The following VIPR2 variants were observed in gnomAD, a reference collection of about 807,000 sequenced individuals.
The protein encoded by VIPR2 is vasoactive intestinal peptide receptor 2, also known as vasoactive intestinal polypeptide receptor 2.
VIPR2 carries 48 observed loss-of-function variants against 58.0 expected under a neutral mutation model. The observed-to-expected ratio is 0.83, with a 90% CI of 0.66 to 1.05. The LOEUF (loss-of-function observed/expected upper bound fraction) is 1.05. Ranked by LOEUF, VIPR2 falls within the 50% of genes least tolerant of loss-of-function variation. VIPR2 has a pLI of 0.00. For missense variants in VIPR2, 534 were observed against 558.0 expected, an observed-to-expected ratio of 0.96 and a Z score of 0.43; for synonymous variants, 243 against 235.2, an observed-to-expected ratio of 1.03 and a Z score of -0.30.
At chr7:159,066,790 T>C (rs1434795228) in intron 4 of VIPR2, among the ~76,000 whole-genome samples, 1 of 152,222 alleles carries the variant, frequency 6.6e-6, no homozygotes, top group Admixed American at 6.5e-5. Flanking sequence ...TACTGATAAA[T>C]ACTTAGCAAG....
chr7:159,133,914 A>G (rs113100980), intron 2 of VIPR2, among the ~76,000 whole-genome samples: 1,643 of 152,344 alleles, frequency 0.011, 27 homozygotes, highest in African/African-American at 0.038. Context: ...TGAGCTAGTC[A>G]AATAAGCTCA....
rs766235895 is a variant in VIPR2 at position 159,028,756 on chromosome 7, G to A, written c.*1860C>T. 6.5e-5 allele frequency: 10 copies of A among 153,100 alleles called. No individual in the cohort carries two copies. The highest frequency in any genetic ancestry group is 2.1e-4 in the South Asian group (1 of 4,842). 9.5% of individuals were successfully genotyped at this position (153,100 alleles called of 1,614,324 possible). On this transcript the variant is annotated 3_prime_UTR_variant, in exon 13 of 13. Coordinates refer to ENST00000262178, the MANE Select transcript of VIPR2 (RefSeq NM_003382.5). ...TCCCTCTCGCTCCACATGCTCAGCCGTCCTTTCCTGGGCACCTGGCCTGGG... is the reference window on the plus strand; with the variant it reads ...TCCCTCTCGCTCCACATGCTCAGCCATCCTTTCCTGGGCACCTGGCCTGGG...
chr7:159,132,490 T>C (rs1796960793), intron 2 of VIPR2, among the ~76,000 whole-genome samples: 1 of 152,180 alleles, frequency 6.6e-6, no homozygotes, highest in African/African-American at 2.4e-5. Context: ...AAGAAAAATG[T>C]GAGAAAAACA....
intron 4 of VIPR2, among the ~76,000 whole-genome samples, chr7:159,091,898 C>T (rs1429140131): frequency 3.3e-5 from 5 of 152,320 alleles, no homozygotes; most frequent in East Asian, 3.9e-4. Context: ...GAGGCTGAGG[C>T]GGGCAGATCG....
At chr7:159,108,953 G>A (rs534155868) in intron 3 of VIPR2, among the ~76,000 whole-genome samples, 3 of 152,274 alleles carry the variant, frequency 2.0e-5, no homozygotes, top group African/African-American at 7.2e-5. Context: ...CTGGCAACTC[G>A]GGGTGAGAAA....
At chr7:159,064,945 G>T (rs559171068) in intron 4 of VIPR2, among the ~76,000 whole-genome samples, 10 of 152,322 alleles carry the variant, frequency 6.6e-5, no homozygotes, top group African/African-American at 1.9e-4. Context: ...CGTAGACTCT[G>T]CATCGCCACC....
intron 4 of VIPR2, among the ~76,000 whole-genome samples, chr7:159,066,973 G>C (rs1426972903): frequency 6.6e-6 from 1 of 152,168 alleles, no homozygotes; most frequent in Non-Finnish European, 1.5e-5. Context: ...TCCTGTGAGT[G>C]GGCACTGGCG....
At chr7:159,073,445 T>C (rs190483664) in intron 4 of VIPR2, among the ~76,000 whole-genome samples, 1 of 152,292 alleles carries the variant, frequency 6.6e-6, no homozygotes, top group East Asian at 1.9e-4. Context: ...GAGACAAGAG[T>C]CTTGCTCTGT....
intron 4 of VIPR2, 53 bp from the exon 5 acceptor site, chr7:159,058,631 C>T: frequency 1.5e-6 from 2 of 1,323,396 alleles, no homozygotes; most frequent in Non-Finnish European, 2.2e-6. Context: ...CAACACCAGA[C>T]AACAGGAATG....
chr7:159,034,083 C>G, intron 10 of VIPR2, 130 bp downstream of exon 10: 1 of 828,624 alleles, frequency 1.2e-6, no homozygotes, highest in African/African-American at 1.7e-5. Context: ...AGCCCTGGGG[C>G]CCAGCCTCGA....
Position 159,098,009 on chromosome 7 carries a change from G to A in VIPR2, c.357+5748C>T, listed in dbSNP as rs1004721059. 2.0e-5 allele frequency among the ~76,000 whole-genome samples: 3 copies of A among 152,194 alleles called. No homozygotes were observed. The highest frequency in any genetic ancestry group is 4.4e-5 in the Non-Finnish European group (3 of 68,024). The stretch of plus-strand genomic sequence containing the variant: ...CCCACTGGGCCAGAGCCCGCACCAC[G>A]ATCAGTCCCAGGAGCTCCTCCGTGG... On this transcript the variant is annotated intron_variant, in intron 4 of 12. Transcript: ENST00000262178. The surrounding 1 kb of genome is among the most constrained non-coding windows in gnomAD (Gnocchi z 5.2).
rs1853923688 is a variant in VIPR2, at chr7:159,035,985, C to T, written c.776G>A (p.Trp259Ter). The change falls in exon 8 of 13, where the codon TGG becomes TAG. Residue 259 changes from tryptophan (W) to a stop codon, truncating the protein, a stop_gained. Coordinates refer to ENST00000262178, the MANE Select transcript of VIPR2 (RefSeq NM_003382.5). LOFTEE classifies it high-confidence loss of function. Reference protein sequence around the residue: ...WGLPTVCIGAWTAARLYLEDT... With the variant: ...WGLPTVCIGA The stretch of plus-strand genomic sequence containing the variant: ...TTCTAAGTAGAGCCTGGCCGCAGTC[C>T]ATGCACCGATGCAGACGGTGGGGAG... The T allele has an allele frequency of 6.2e-7, 1 of 1,613,654 alleles. No homozygotes were observed. The highest frequency in any genetic ancestry group is 8.5e-7 in the Non-Finnish European group (1 of 1,179,882).
intron 6 of VIPR2, among the ~76,000 whole-genome samples, chr7:159,042,210 G>A (rs1029619487): frequency 5.3e-5 from 8 of 152,142 alleles, no homozygotes; most frequent in South Asian, 2.1e-4. Flanking sequence ...CGTGGAATGC[G>A]GGAGGAGAGT....
intron 5 of VIPR2, among the ~76,000 whole-genome samples, chr7:159,048,041 T>C (rs545922968): frequency 6.6e-6 from 1 of 152,282 alleles, no homozygotes; most frequent in Non-Finnish European, 1.5e-5. Context: ...ATAATATAAA[T>C]CATAACTAAT....
Position 159,031,735 on chromosome 7 carries a change from C to CA in VIPR2, c.1143+92dup. On this transcript the variant is annotated intron_variant, in intron 12 of 12. Transcript: ENST00000262178. The surrounding 1 kb of genome is among the most constrained non-coding windows in gnomAD (Gnocchi z 4.0). ...GGCAGTAACTCGAGCCCGCGGAAGA[C>CA]AGGCATGTGTGGGGGCTGCGGCACC... 1.2e-6 allele frequency: 2 copies of CA among 1,604,922 alleles called. No individual in the cohort carries two copies. Among genetic ancestry groups the CA allele is most frequent in the Non-Finnish European group, 1.7e-6 (2 of 1,177,346 alleles).
Position 159,030,489 on chromosome 7 carries a change from G to A in VIPR2, c.*127C>T. ...GGGTTTAGTGGACAACCAGCTTGACGGAGTCAGGACCGCGCTGACCTGCCC... is the reference window on the plus strand; with the variant it reads ...GGGTTTAGTGGACAACCAGCTTGACAGAGTCAGGACCGCGCTGACCTGCCC... On this transcript the variant is annotated 3_prime_UTR_variant, in exon 13 of 13. Coordinates refer to ENST00000262178, the MANE Select transcript of VIPR2 (RefSeq NM_003382.5). The A allele has an allele frequency of 8.4e-7, 1 of 1,187,002 alleles. No homozygotes were observed. Among genetic ancestry groups the A allele is most frequent in the South Asian group, 1.8e-5 (1 of 55,544 alleles). 73.5% of individuals were successfully genotyped at this position (1,187,002 alleles called of 1,614,324 possible). A position where few individuals can be genotyped will look rare whatever the true frequency, so the allele number is the denominator to read the frequency against.
intron 12 of VIPR2, 59 bp from the exon 13 acceptor site, chr7:159,030,848 T>C (rs1853518511): frequency 1.4e-6 from 2 of 1,427,102 alleles, no homozygotes; most frequent in Non-Finnish European, 1.8e-6. Flanking sequence ...GCGGCTGCTA[T>C]GGGAAGCGCG....
chr7:159,071,954 A>G (rs1377046629), intron 4 of VIPR2, among the ~76,000 whole-genome samples: 24 of 145,518 alleles, frequency 1.6e-4, no homozygotes, highest in South Asian at 2.2e-4. Flanking sequence ...CCAGAGTCCC[A>G]TGTCTCTAGG....
At chr7:159,030,857 C>G in intron 12 of VIPR2, 68 bp from the exon 13 acceptor site, 1 of 1,408,990 alleles carries the variant, frequency 7.1e-7, no homozygotes, top group South Asian at 1.5e-5. Flanking sequence ...ATGGGAAGCG[C>G]GGCCCGCGAG....
Sources: gnomAD v4.1 joint callset for allele counts (sites outside exome capture counted in the v4.1 genomes callset) on GRCh38, gnomAD v4.1.1 for gene constraint, Gnocchi (gnomAD v3.1) non-coding constraint, MANE v1.5 for transcripts, NCBI Gene and HGNC (gene_info 2026-07-23, HGNC 2026-07-21) for gene names.